GDAP1L1: variants seen among roughly 807,000 people sequenced by gnomAD.
GDAP1L1 encodes ganglioside-induced differentiation-associated protein 1-like 1.
A neutral mutation model predicts 37.1 loss-of-function variants in GDAP1L1; 21 were observed. That is an observed-to-expected ratio of 0.57 (90% CI 0.40 to 0.81). The LOEUF is 0.81. GDAP1L1 is among the 40% of genes least tolerant of loss of function. The pLI is 0.00. For synonymous variants in GDAP1L1, 193 were observed against 209.1 expected (o/e 0.92, Z 0.67); for missense variants, 362 against 491.6 (o/e 0.74, Z 2.49).
intron 1 of GDAP1L1, among the ~76,000 whole-genome samples, chr20:44,254,814 C>A (rs548209857): frequency 6.6e-6 from 1 of 152,164 alleles, no homozygotes; most frequent in Non-Finnish European, 1.5e-5. Context: ...CCATGATCCA[C>A]CAAACAGGAG....
chr20:44,262,536 C>G (rs2073691373), intron 3 of GDAP1L1, among the ~76,000 whole-genome samples: 1 of 152,024 alleles, frequency 6.6e-6, no homozygotes, highest in Admixed American at 6.6e-5. Context: ...TACTCGTCCT[C>G]AAGGGTACAG....
rs528823420 is a variant in GDAP1L1, at chr20:44,263,128, T to C, written c.548-102T>C. 8 of 859,276 alleles carry C rather than the reference T, an allele frequency of 9.3e-6. No homozygotes were observed. In the East Asian group the frequency reaches 1.7e-4, roughly 18 times the overall value. The allele number at this position is 859,276 out of a possible 1,614,324, so 53.2% of individuals were successfully genotyped here. On this transcript the variant is annotated intron_variant, in intron 3 of 5. Transcript: ENST00000342560. ...TTGGCTGTCGACAGTATTACTCTTC[T>C]GACCAGTGTTTGGATGGGGCCTACT... is the stretch of plus-strand genomic sequence containing the variant.
intron 1 of GDAP1L1, among the ~76,000 whole-genome samples, chr20:44,249,727 C>T (rs571978278): frequency 6.6e-6 from 1 of 152,242 alleles, no homozygotes; most frequent in African/African-American, 2.4e-5. Flanking sequence ...CCAAGCTAAC[C>T]TGGGCATCCT....
intron 3 of GDAP1L1, 53 bp from the exon 4 acceptor site, chr20:44,263,177 G>A (rs2073703478): frequency 1.4e-6 from 2 of 1,411,586 alleles, no homozygotes; most frequent in East Asian, 4.5e-5. Context: ...GGCAGGTGAT[G>A]GGGGAGCAAC....
chr20:44,265,331 T>C (rs2073745194), intron 5 of GDAP1L1: 1 of 985,292 alleles, frequency 1.0e-6, no homozygotes, highest in Non-Finnish European at 1.2e-6. Context: ...ATTTTGCCTG[T>C]TGCACACCAT....
At chr20:44,266,917 C>T (rs1314217664) in intron 5 of GDAP1L1, among the ~76,000 whole-genome samples, 2 of 152,174 alleles carry the variant, frequency 1.3e-5, no homozygotes, top group Non-Finnish European at 2.9e-5. Flanking sequence ...CTGGGCCACA[C>T]ATAAAATATG....
At chr20:44,271,995 G>C (rs2062521215) in intron 5 of GDAP1L1, among the ~76,000 whole-genome samples, 1 of 152,212 alleles carries the variant, frequency 6.6e-6, no homozygotes, top group East Asian at 1.9e-4. Context: ...GTCACTGCCA[G>C]CCGTGATGAC....
chr20:44,265,319 C>T (rs565636487), intron 5 of GDAP1L1: 1 of 985,404 alleles, frequency 1.0e-6, no homozygotes, highest in African/African-American at 1.7e-5. Context: ...CCACTCCACT[C>T]CATTTTGCCT....
chr20:44,259,632 AC>A (rs1229644194), intron 3 of GDAP1L1, among the ~76,000 whole-genome samples: 1 of 151,748 alleles, frequency 6.6e-6, no homozygotes, highest in Non-Finnish European at 1.5e-5. Context: ...AGTAGCTGGG[AC>A]CCCAGGCACA....
At chr20:44,277,007 T>C (rs1007301887) in intron 5 of GDAP1L1, among the ~76,000 whole-genome samples, 1 of 152,144 alleles carries the variant, frequency 6.6e-6, no homozygotes, top group Non-Finnish European at 1.5e-5. Context: ...TTCCATTTTA[T>C]TTTTTTAATT....
At chr20:44,277,896 G>A (rs950824208) in intron 5 of GDAP1L1, among the ~76,000 whole-genome samples, 26 of 152,178 alleles carry the variant, frequency 1.7e-4, no homozygotes, top group African/African-American at 6.0e-4. Context: ...GCTTATGCCT[G>A]TAATCCCAGC....
chr20:44,255,332 A>G (rs541642009), intron 1 of GDAP1L1, among the ~76,000 whole-genome samples: 1 of 152,194 alleles, frequency 6.6e-6, no homozygotes, highest in East Asian at 1.9e-4. Flanking sequence ...GCTTGAGGTC[A>G]GGAGTTCAAG....
chr20:44,247,794 T>TGGTGGGGGGGGGGGGGGGGTG (rs2073361340), intron 1 of GDAP1L1, among the ~76,000 whole-genome samples: 1 of 98,746 alleles, frequency 1.0e-5, no homozygotes, highest in Non-Finnish European at 2.5e-5. Context: ...CGGGGCGGGT[T>TGGTGGGGGGGGGGGGGGGGTG]GGGGGGGCTG....
At chr20:44,278,342 T>C (rs939150979) in intron 5 of GDAP1L1, among the ~76,000 whole-genome samples, 2 of 151,958 alleles carry the variant, frequency 1.3e-5, no homozygotes, top group African/African-American at 2.4e-5. Context: ...AAGGAGTAGT[T>C]GTATATGTGT....
chr20:44,264,885 G>A (rs1296359240), intron 5 of GDAP1L1: 1 of 1,072,874 alleles, frequency 9.3e-7, no homozygotes, highest in African/African-American at 1.7e-5. Flanking sequence ...CACAGTAGGT[G>A]TTTAATAAAG....
chr20:44,279,937 C>T lies in GDAP1L1; in HGVS notation c.*637C>T. The T allele has an allele frequency of 2.7e-6, 1 of 369,418 alleles. No homozygotes were observed. The highest frequency in any genetic ancestry group is 5.4e-6 in the Non-Finnish European group (1 of 186,714). The allele number at this position is 369,418 out of a possible 1,614,324, so 22.9% of individuals were successfully genotyped here. ...ACCATGAGCACACCCTCTCATTGTC[C>T]TTCTGATTTGGTCCATGTGTTGGGT... On this transcript the variant is annotated 3_prime_UTR_variant, in exon 6 of 6. Transcript: ENST00000342560.
chr20:44,264,077 C>T (rs62205978), intron 4 of GDAP1L1, among the ~76,000 whole-genome samples: 1 of 152,134 alleles, frequency 6.6e-6, no homozygotes, highest in African/African-American at 2.4e-5. Context: ...CCTTTTATCC[C>T]CTCATATCAG....
chr20:44,258,555 C>T lies in GDAP1L1; in HGVS notation c.495C>T (p.Pro165=), dbSNP rs775991492. The T allele has an allele frequency of 5.1e-5, 82 of 1,595,650 alleles. No individual in the cohort carries two copies. In the Middle Eastern group the frequency reaches 6.6e-4, roughly 13 times the overall value. ...DAYTHGCILH[P]ELTTDSMIPK... ...ACACGCATGGCTGCATCCTGCATCC[C>T]GAGCTCACCACCGACTCCATGATCC... is the stretch of plus-strand genomic sequence containing the variant. The change falls in exon 3 of 6, where the codon CCC becomes CCT. Residue 165 remains proline, a synonymous_variant. Coordinates refer to ENST00000342560, the MANE Select transcript of GDAP1L1 (RefSeq NM_024034.6).
At chr20:44,258,077 T>C (rs1453669227) in intron 2 of GDAP1L1, 8 of 696,820 alleles carry the variant, frequency 1.1e-5, no homozygotes, top group Admixed American at 6.1e-5. Flanking sequence ...GGCCCAGACA[T>C]GCACTGTTTT....
Sources: gnomAD v4.1 joint callset for allele counts (sites outside exome capture counted in the v4.1 genomes callset) on GRCh38, gnomAD v4.1.1 for gene constraint, MANE v1.5 for transcripts, NCBI Gene and HGNC (gene_info 2026-07-23, HGNC 2026-07-21) for gene names.